Variants in JHY observed in about 807,000 individuals in gnomAD.
JHY encodes junctional cadherin complex regulator, also known as jhy protein homolog.
JHY carries 69 observed loss-of-function variants against 78.0 expected under a neutral mutation model. The observed-to-expected ratio is 0.88, with a 90% CI of 0.73 to 1.08. JHY has a LOEUF of 1.08. Ranked by LOEUF, JHY falls within the 50% of genes least tolerant of loss-of-function variation. The pLI is 0.00. For synonymous variants in JHY, 368 were observed against 342.6 expected (o/e 1.07, Z -0.82); for missense variants, 944 against 927.8 (o/e 1.02, Z -0.23).
intron 2 of JHY, among the ~76,000 whole-genome samples, chr11:122,887,209 CATCAGTAAA>C (rs1862513098): frequency 6.6e-6 from 1 of 152,174 alleles, no homozygotes; most frequent in Non-Finnish European, 1.5e-5. Flanking sequence ...TCAGTTTCTT[CATCAGTAAA>C]AATGGGATAA....
At chr11:122,941,104 T>C (rs4129007) in intron 5 of JHY, among the ~76,000 whole-genome samples, 86,239 of 151,986 alleles carry the variant, frequency 0.57, 25,227 homozygotes, top group African/African-American at 0.72. Context: ...TGAACTCATG[T>C]GGAAGCATCA....
At chr11:122,939,803 C>T (rs1475488140) in intron 5 of JHY, among the ~76,000 whole-genome samples, 2 of 152,004 alleles carry the variant, frequency 1.3e-5, no homozygotes, top group Admixed American at 1.3e-4. Flanking sequence ...TATTTTATCT[C>T]TAAATATTTC....
rs930982 is a variant in JHY at position 122,963,670 on chromosome 11, C to T, written c.*4225C>T. On this transcript the variant is annotated 3_prime_UTR_variant, in exon 9 of 9. Coordinates refer to ENST00000227349, the MANE Select transcript of JHY (RefSeq NM_024806.4). ...GCCCAAGTTGGATCAGTGATCAATTCATAGCATTTCTGTTTCAAATATTCA... is the reference window on the plus strand; with the variant it reads ...GCCCAAGTTGGATCAGTGATCAATTTATAGCATTTCTGTTTCAAATATTCA... Among the ~76,000 whole-genome samples, 71,441 of 151,936 alleles carry T rather than the reference C, an allele frequency of 0.47. 17,741 individuals are homozygous for T. Among genetic ancestry groups the T allele is most frequent in the Non-Finnish European group, 0.56 (38,194 of 67,936 alleles).
chr11:122,927,726 C>CT (rs1302653030), intron 4 of JHY, among the ~76,000 whole-genome samples: 1 of 143,818 alleles, frequency 7.0e-6, no homozygotes, highest in Non-Finnish European at 1.5e-5. Context: ...CTTTTCTTTT[C>CT]TTTTTTCTTT....
intron 5 of JHY, among the ~76,000 whole-genome samples, chr11:122,942,510 A>G (rs747183509): frequency 2.5e-4 from 38 of 152,138 alleles, no homozygotes; most frequent in Non-Finnish European, 3.7e-4. Context: ...TGCAACCTCC[A>G]TCTCTCGGGT....
At chr11:122,928,640 T>C (rs138006464) in intron 4 of JHY, among the ~76,000 whole-genome samples, 2,053 of 151,946 alleles carry the variant, frequency 0.014, 48 homozygotes, top group African/African-American at 0.047. Flanking sequence ...TTTTTGTAGT[T>C]GTTGGTTTTT....
intron 2 of JHY, among the ~76,000 whole-genome samples, chr11:122,888,505 C>T (rs905325939): frequency 6.6e-6 from 1 of 151,688 alleles, no homozygotes; most frequent in Non-Finnish European, 1.5e-5. Flanking sequence ...GGTTATAGTG[C>T]TTGGAGGATG....
At chr11:122,905,660 G>A (rs1004757074) in intron 3 of JHY, 11 of 894,408 alleles carry the variant, frequency 1.2e-5, no homozygotes, top group South Asian at 5.1e-5. Context: ...TTGAGGCCAC[G>A]AGTTCAAGAC....
At chr11:122,921,394 A>T (rs2135335410) in intron 3 of JHY, among the ~76,000 whole-genome samples, 1 of 152,286 alleles carries the variant, frequency 6.6e-6, no homozygotes, top group South Asian at 2.1e-4. Flanking sequence ...AAAGAGTTCA[A>T]CTTCCTTTTT....
At chr11:122,911,887 A>T (rs1460629626) in intron 3 of JHY, among the ~76,000 whole-genome samples, 1 of 142,276 alleles carries the variant, frequency 7.0e-6, no homozygotes, top group African/African-American at 2.6e-5. Context: ...CCAGGGCAAG[A>T]AGAGCGAAAC....
intron 2 of JHY, among the ~76,000 whole-genome samples, chr11:122,889,140 T>C (rs1862557698): frequency 6.6e-6 from 1 of 152,230 alleles, no homozygotes; most frequent in South Asian, 2.1e-4. Context: ...TCTGATGGGT[T>C]ATAAAATCCT....
At chr11:122,900,302 G>T (rs1217914984) in intron 2 of JHY, among the ~76,000 whole-genome samples, 1 of 152,134 alleles carries the variant, frequency 6.6e-6, no homozygotes, top group Admixed American at 6.6e-5. Flanking sequence ...ATTAAGAAAA[G>T]TAAATTAACA....
At chr11:122,926,963 T>G (rs1863522068) in intron 4 of JHY, 3 of 152,248 alleles carry the variant, frequency 2.0e-5, no homozygotes, top group South Asian at 4.1e-4. Flanking sequence ...TATCGCAACC[T>G]GTAGCTTTCA....
Position 122,946,722 on chromosome 11 carries a change from G to C in JHY, c.1859G>C (p.Arg620Pro), listed in dbSNP as rs532253251. 1 of 1,613,960 alleles carries C rather than the reference G, an allele frequency of 6.2e-7. No individual in the cohort carries two copies. The highest frequency in any genetic ancestry group is 8.5e-7 in the Non-Finnish European group (1 of 1,179,976). Reference sequence around the variant, plus strand: ...CAAAGAAACCAAGTGAAAATTAGCCGTAGCAATTCTGAAGGCTATCTGTTT... The same window carrying C: ...CAAAGAAACCAAGTGAAAATTAGCCCTAGCAATTCTGAAGGCTATCTGTTT... ...RSQRNQVKIS[R>P]SNSEGYLFQL... The change falls in exon 6 of 9, where the codon CGT (arginine) becomes CCT (proline). Residue 620 changes from arginine (R) to proline (P), a missense_variant. Arg to Pro is a moderately radical substitution (Grantham distance 103). Coordinates refer to ENST00000227349, the MANE Select transcript of JHY (RefSeq NM_024806.4).
chr11:122,932,697 A>G (rs1473365177), intron 4 of JHY, among the ~76,000 whole-genome samples: 1 of 152,206 alleles, frequency 6.6e-6, no homozygotes, highest in Non-Finnish European at 1.5e-5. Context: ...AAGAGCTGCT[A>G]TATTCCACAA....
At chr11:122,888,430 T>A (rs931149544) in intron 2 of JHY, among the ~76,000 whole-genome samples, 1 of 152,176 alleles carries the variant, frequency 6.6e-6, no homozygotes, top group Non-Finnish European at 1.5e-5. Context: ...TGTAGGGAAG[T>A]TGCTGCTTTT....
At chr11:122,888,518 CTTG>C (rs1279024637) in intron 2 of JHY, among the ~76,000 whole-genome samples, 1 of 151,752 alleles carries the variant, frequency 6.6e-6, no homozygotes, top group African/African-American at 2.4e-5. Flanking sequence ...GGAGGATGTC[CTTG>C]TTGTGTTACT....
chr11:122,963,329 G>A lies in JHY; in HGVS notation c.*3884G>A. Among the ~76,000 whole-genome samples, 1 of 152,018 alleles carries A rather than the reference G, an allele frequency of 6.6e-6. No homozygotes were observed. Among genetic ancestry groups the A allele is most frequent in the Non-Finnish European group, 1.5e-5 (1 of 67,992 alleles). ...ATTTCACAGGATTCTTACCCCCAAG[G>A]CAACTCTTTACTATCCAGTACATAA... is the stretch of plus-strand genomic sequence containing the variant. On this transcript the variant is annotated 3_prime_UTR_variant, in exon 9 of 9. Coordinates refer to ENST00000227349, the MANE Select transcript of JHY (RefSeq NM_024806.4).
chr11:122,887,988 G>C (rs192204054), intron 2 of JHY, among the ~76,000 whole-genome samples: 1 of 148,546 alleles, frequency 6.7e-6, no homozygotes, highest in Non-Finnish European at 1.5e-5. Context: ...GGAGCGAGAA[G>C]TAGAGCCCGG....
Sources: allele counts gnomAD v4.1 joint callset (sites outside exome capture counted in the v4.1 genomes callset), GRCh38; gene constraint gnomAD v4.1.1; transcripts MANE v1.5; gene names NCBI Gene and HGNC (gene_info 2026-07-23, HGNC 2026-07-21).